The following RABGAP1L variants were observed in gnomAD, a reference collection of about 807,000 sequenced individuals.
RABGAP1L encodes the protein rab GTPase-activating protein 1-like.
RABGAP1L carries 63 observed loss-of-function variants against 137.7 expected under a neutral mutation model. The ratio of observed to expected loss-of-function variants is 0.46; its 90% CI spans 0.37 to 0.56. The LOEUF (loss-of-function observed/expected upper bound fraction) is 0.56, where lower values mean the gene tolerates loss of function less well. RABGAP1L is among the 20% of genes least tolerant of loss of function. The pLI, the probability that RABGAP1L is intolerant of heterozygous loss-of-function variation, is 0.00. For missense variants in RABGAP1L, 1,095 were observed against 1,244.0 expected, an observed-to-expected ratio of 0.88 and a Z score of 1.80; for synonymous variants, 431 against 433.7, an observed-to-expected ratio of 0.99 and a Z score of 0.08.
chr1:174,759,449 G>A (rs1685039936), intron 18 of RABGAP1L, among the ~76,000 whole-genome samples: 1 of 151,804 alleles, frequency 6.6e-6, no homozygotes, highest in African/African-American at 2.4e-5. Flanking sequence ...ATAAAAATTA[G>A]CCAGGCATGG....
chr1:174,912,942 T>C (rs1660280488), intron 19 of RABGAP1L, among the ~76,000 whole-genome samples: 1 of 152,054 alleles, frequency 6.6e-6, no homozygotes, highest in Non-Finnish European at 1.5e-5. Context: ...AGTAGGGATA[T>C]CCAGCATAGT....
intron 13 of RABGAP1L, among the ~76,000 whole-genome samples, chr1:174,596,087 C>T (rs536755202): frequency 0.019 from 2,338 of 125,894 alleles, 29 homozygotes; most frequent in Middle Eastern, 0.078. Context: ...GTCTGAAAAG[C>T]GCAATATTCG....
intron 19 of RABGAP1L, among the ~76,000 whole-genome samples, chr1:174,942,107 A>G (rs1383918648): frequency 6.6e-6 from 1 of 152,178 alleles, no homozygotes; most frequent in Non-Finnish European, 1.5e-5. Flanking sequence ...CACTGTTCAT[A>G]GTTCTAAGGG....
chr1:174,588,381 T>A (rs1669289196), intron 13 of RABGAP1L, among the ~76,000 whole-genome samples: 1 of 152,004 alleles, frequency 6.6e-6, no homozygotes, highest in Non-Finnish European at 1.5e-5. Flanking sequence ...GCCAGGCTAG[T>A]CTCGAACTCC....
Position 174,989,969 on chromosome 1 carries a change from C to T in RABGAP1L, c.3124C>T (p.Pro1042Ser), listed in dbSNP as rs538452979. The T allele has an allele frequency of 1.9e-6, 3 of 1,549,012 alleles. No individual in the cohort carries two copies. The African/African-American group carries it at 4.1e-5, about 21-fold the overall frequency. The stretch of plus-strand genomic sequence containing the variant: ...GGGCACCCAGCCATTGCAGCCAGCA[C>T]CGGTCACCCAGCCACCCAAGGAGAG... ...ATGTQPLQPA[P>S]VTQPPKEST is the part of the protein sequence containing the mutation. Residue 1042 changes from proline to serine, a missense_variant, in exon 26 of 26, where the codon CCG (proline) becomes TCG (serine). Coordinates refer to ENST00000681986, the MANE Select transcript of RABGAP1L (RefSeq NM_001366446.1).
chr1:174,348,316 T>C (rs1223936335), intron 11 of RABGAP1L, among the ~76,000 whole-genome samples: 1 of 144,444 alleles, frequency 6.9e-6, no homozygotes, highest in Middle Eastern at 3.2e-3. Flanking sequence ...TTACTTTCAA[T>C]AGCAAAAACT....
intron 19 of RABGAP1L, chr1:174,938,403 C>T (rs1665267986): frequency 6.6e-6 from 1 of 152,158 alleles, no homozygotes; most frequent in Non-Finnish European, 1.5e-5. Flanking sequence ...TTTCTCCATC[C>T]ATCCTCAGTT....
chr1:174,702,752 A>G (rs1261410486), intron 17 of RABGAP1L, among the ~76,000 whole-genome samples: 3 of 152,098 alleles, frequency 2.0e-5, no homozygotes, highest in Admixed American at 2.0e-4. Flanking sequence ...ATATAATTAT[A>G]TTTTTATATA....
chr1:174,374,577 T>C (rs1571477772), intron 12 of RABGAP1L, among the ~76,000 whole-genome samples: 1 of 152,206 alleles, frequency 6.6e-6, no homozygotes, highest in African/African-American at 2.4e-5. Flanking sequence ...GTGTTTCTTC[T>C]TGTCCGTAAT....
intron 1 of RABGAP1L, among the ~76,000 whole-genome samples, chr1:174,175,340 T>A (rs370940501): frequency 1.2e-4 from 19 of 152,272 alleles, no homozygotes; most frequent in African/African-American, 4.6e-4. Flanking sequence ...AGCATAGATA[T>A]CATCTTAAAA....
At chr1:174,563,169 T>G (rs776206978) in intron 13 of RABGAP1L, among the ~76,000 whole-genome samples, 1 of 152,114 alleles carries the variant, frequency 6.6e-6, no homozygotes, top group African/African-American at 2.4e-5. Flanking sequence ...TTTCAACATA[T>G]TAGAGTGTTT....
chr1:174,921,018 G>A (rs1048809890), intron 19 of RABGAP1L, among the ~76,000 whole-genome samples: 1 of 152,176 alleles, frequency 6.6e-6, no homozygotes, highest in Non-Finnish European at 1.5e-5. Flanking sequence ...CGCCTCCCGG[G>A]TTCAAGCAAT....
chr1:174,585,401 C>T (rs897398495), intron 13 of RABGAP1L, among the ~76,000 whole-genome samples: 11 of 152,132 alleles, frequency 7.2e-5, no homozygotes, highest in African/African-American at 2.7e-4. Flanking sequence ...GTATATAGTG[C>T]TTTACTGGAC....
chr1:174,576,263 G>A (rs1668366308), intron 13 of RABGAP1L, among the ~76,000 whole-genome samples: 1 of 152,112 alleles, frequency 6.6e-6, no homozygotes, highest in African/African-American at 2.4e-5. Context: ...CAAGATGAGG[G>A]CATTTATAGC....
intron 1 of RABGAP1L, among the ~76,000 whole-genome samples, chr1:174,217,579 C>G (rs981196995): frequency 3.9e-5 from 6 of 152,098 alleles, no homozygotes; most frequent in African/African-American, 1.4e-4. Context: ...ATTCATCGTG[C>G]AGTCTGGAAG....
chr1:174,846,113 C>T (rs1312291183), intron 19 of RABGAP1L, among the ~76,000 whole-genome samples: 2 of 151,802 alleles, frequency 1.3e-5, no homozygotes, highest in Non-Finnish European at 2.9e-5. Context: ...TGATTCTTCT[C>T]TCTTTTCTTC....
chr1:174,269,799 C>T (rs1245860833), intron 7 of RABGAP1L, among the ~76,000 whole-genome samples: 1 of 152,104 alleles, frequency 6.6e-6, no homozygotes, highest in Non-Finnish European at 1.5e-5. Context: ...TGCCTGTTTA[C>T]TTATTTTCCC....
intron 13 of RABGAP1L, among the ~76,000 whole-genome samples, chr1:174,582,407 G>C (rs1668809961): frequency 6.6e-6 from 1 of 152,088 alleles, no homozygotes; most frequent in African/African-American, 2.4e-5. Flanking sequence ...TGAAAATCAG[G>C]CAAGAGGTAT....
intron 20 of RABGAP1L, chr1:174,957,757 C>A: frequency 1.3e-6 from 1 of 781,564 alleles, no homozygotes; most frequent in Non-Finnish European, 2.1e-6. Flanking sequence ...CTTAAAGCAG[C>A]AGTTGTGGCA....
Sources: gnomAD v4.1 joint callset for allele counts (sites outside exome capture counted in the v4.1 genomes callset) on GRCh38, gnomAD v4.1.1 for gene constraint, MANE v1.5 for transcripts, NCBI Gene and HGNC (gene_info 2026-07-23, HGNC 2026-07-21) for gene names.